The following ZMAT4 variants were observed in gnomAD, a reference collection of about 807,000 sequenced individuals.
The protein encoded by ZMAT4 is zinc finger matrin-type 4.
ZMAT4 carries 17 observed loss-of-function variants against 28.7 expected under a neutral mutation model. The ratio of observed to expected loss-of-function variants is 0.59; its 90% CI spans 0.41 to 0.89. The LOEUF (loss-of-function observed/expected upper bound fraction) is 0.89, where lower values mean the gene tolerates loss of function less well. Ranked by LOEUF, ZMAT4 falls within the 40% of genes least tolerant of loss-of-function variation. The pLI, the probability that ZMAT4 is intolerant of heterozygous loss-of-function variation, is 0.00. For synonymous variants in ZMAT4, 117 were observed against 109.2 expected (o/e 1.07, Z -0.44); for missense variants, 240 against 283.8 (o/e 0.85, Z 1.11).
At chr8:40,863,838 A>G (rs1817585010) in intron 1 of ZMAT4, among the ~76,000 whole-genome samples, 1 of 152,230 alleles carries the variant, frequency 6.6e-6, no homozygotes, top group South Asian at 2.1e-4. Flanking sequence ...GCCATCTATC[A>G]CCACTACTCA....
intron 4 of ZMAT4, among the ~76,000 whole-genome samples, chr8:40,684,425 C>A (rs1182415857): frequency 1.3e-5 from 2 of 152,202 alleles, no homozygotes; most frequent in Non-Finnish European, 2.9e-5. Context: ...ATGCCCACTG[C>A]AGGTGCCGCT....
chr8:40,612,834 C>T lies in ZMAT4; in HGVS notation c.578-31573G>A, dbSNP rs527298554. ...TTGTTTTTTTTTTTTTTTTTTGAGA[C>T]GAAGTCTTGCTCTTGTCCCCCAGGC... On this transcript the variant is annotated intron_variant, in intron 5 of 6. Transcript: ENST00000297737. Among the ~76,000 whole-genome samples, 354 of 70,786 alleles carry T rather than the reference C, an allele frequency of 5.0e-3. 11 individuals are homozygous for T. Among genetic ancestry groups the T allele is most frequent in the African/African-American group, 0.013 (336 of 25,904 alleles). The allele number at this position is 70,786 out of a possible 152,430, so 46.4% of individuals were successfully genotyped here.
intron 3 of ZMAT4, among the ~76,000 whole-genome samples, chr8:40,713,441 G>C (rs1377180070): frequency 6.7e-6 from 1 of 149,838 alleles, no homozygotes; most frequent in African/African-American, 2.5e-5. Flanking sequence ...TAAGGTAATG[G>C]TAGAAAAAAA....
intron 1 of ZMAT4, among the ~76,000 whole-genome samples, chr8:40,835,386 A>T (rs1816440008): frequency 6.6e-6 from 1 of 152,186 alleles, no homozygotes; most frequent in African/African-American, 2.4e-5. Context: ...TTTAAAGAAT[A>T]GGCTCCTACC....
intron 3 of ZMAT4, among the ~76,000 whole-genome samples, chr8:40,708,124 G>A (rs2150504954): frequency 6.6e-6 from 1 of 152,300 alleles, no homozygotes; most frequent in Non-Finnish European, 1.5e-5. Context: ...ACCAGTAATA[G>A]CACAAAATCT....
rs182319646 is a variant in ZMAT4, at chr8:40,644,569, T to C, written c.577+30135A>G. ...ATATATCCATGAGTTTATTCAAATATAAATGACTGAATAAACAAAGAGGAT... is the reference window on the plus strand; with the variant it reads ...ATATATCCATGAGTTTATTCAAATACAAATGACTGAATAAACAAAGAGGAT... On this transcript the variant is annotated intron_variant, in intron 5 of 6. Transcript: ENST00000297737. Among the ~76,000 whole-genome samples the C allele has an allele frequency of 2.0e-5, 3 of 152,310 alleles. No homozygotes were observed. In the East Asian group the frequency reaches 5.8e-4, roughly 29 times the overall value.
chr8:40,739,994 T>C (rs1245920145), intron 3 of ZMAT4, among the ~76,000 whole-genome samples: 2 of 152,212 alleles, frequency 1.3e-5, no homozygotes, highest in African/African-American at 4.8e-5. Flanking sequence ...TATGGCTGTT[T>C]AGTATTCCAT....
chr8:40,780,972 A>C (rs903957862), intron 2 of ZMAT4, among the ~76,000 whole-genome samples: 1 of 152,226 alleles, frequency 6.6e-6, no homozygotes, highest in Non-Finnish European at 1.5e-5. Flanking sequence ...ATGAGGAGCA[A>C]GACAAGAACA....
intron 2 of ZMAT4, among the ~76,000 whole-genome samples, chr8:40,801,349 A>ATATATATATATATATAT (rs1334146524): frequency 1.4e-3 from 68 of 48,742 alleles, no homozygotes; most frequent in African/African-American, 4.8e-3. Flanking sequence ...TTTAAAAAAA[A>ATATATATATATATATAT]AAATATATAT....
chr8:40,768,316 A>G (rs1050502359), intron 2 of ZMAT4, among the ~76,000 whole-genome samples: 3 of 152,212 alleles, frequency 2.0e-5, no homozygotes, highest in African/African-American at 7.2e-5. Context: ...CCAGCAGATG[A>G]TGCAGTTGAG....
At chr8:40,753,496 T>C (rs1812542538) in intron 3 of ZMAT4, among the ~76,000 whole-genome samples, 1 of 152,228 alleles carries the variant, frequency 6.6e-6, no homozygotes, top group Non-Finnish European at 1.5e-5. Context: ...TATGTTTCTT[T>C]ATTTAAATAT....
chr8:40,657,176 G>GT (rs767621576), intron 5 of ZMAT4, among the ~76,000 whole-genome samples: 46 of 152,074 alleles, frequency 3.0e-4, no homozygotes, highest in Non-Finnish European at 6.2e-4. Context: ...GTATGTCTCA[G>GT]TTTCTTAAAG....
intron 5 of ZMAT4, among the ~76,000 whole-genome samples, chr8:40,590,079 G>T (rs898129024): frequency 1.4e-5 from 2 of 147,106 alleles, no homozygotes; most frequent in South Asian, 2.2e-4. Context: ...GAATACAGTG[G>T]CATGATTGTA....
chr8:40,853,508 A>AT (rs1371493547), intron 1 of ZMAT4, among the ~76,000 whole-genome samples: 1 of 152,114 alleles, frequency 6.6e-6, no homozygotes, highest in Non-Finnish European at 1.5e-5. Context: ...GTGAGCCAAT[A>AT]TTTTGCCACT....
chr8:40,820,009 C>T (rs996530158), intron 2 of ZMAT4, among the ~76,000 whole-genome samples: 3 of 152,044 alleles, frequency 2.0e-5, no homozygotes, highest in Admixed American at 2.0e-4. Context: ...AGAAGGTCCT[C>T]AAGTAACATC....
At position 40,571,105 on chromosome 8, in the gene ZMAT4, C is replaced by A. The variant is rs538868785; in HGVS notation, c.674+10060G>T. ...GCAAGACAAAATAATGATTATAGGT[C>A]CCCCAAGAAGGAAGCAGGGAGGAAA... On this transcript the variant is annotated intron_variant, in intron 6 of 6. Coordinates refer to ENST00000297737, the MANE Select transcript of ZMAT4 (RefSeq NM_024645.3). Among the ~76,000 whole-genome samples, 35 of 152,098 alleles carry A rather than the reference C, an allele frequency of 2.3e-4. 1 individual carries two copies. In the South Asian group the frequency reaches 6.9e-3, roughly 30 times the overall value.
chr8:40,784,353 C>A (rs932787376), intron 2 of ZMAT4, among the ~76,000 whole-genome samples: 9 of 152,136 alleles, frequency 5.9e-5, no homozygotes, highest in Non-Finnish European at 1.0e-4. Context: ...AATCATTTGA[C>A]AAAATCCGGC....
chr8:40,681,672 T>C (rs1310401221), intron 4 of ZMAT4, among the ~76,000 whole-genome samples: 1 of 152,238 alleles, frequency 6.6e-6, no homozygotes, highest in Non-Finnish European at 1.5e-5. Context: ...TCAATGAACA[T>C]GTGATAAATA....
At chr8:40,626,092 A>G (rs1464900818) in intron 5 of ZMAT4, among the ~76,000 whole-genome samples, 1 of 144,924 alleles carries the variant, frequency 6.9e-6, no homozygotes, top group Non-Finnish European at 1.5e-5. Context: ...CCTGGGCAAC[A>G]AGAGCAAAAC....
Sources: allele counts gnomAD v4.1 joint callset (sites outside exome capture counted in the v4.1 genomes callset), GRCh38; gene constraint gnomAD v4.1.1; transcripts MANE v1.5; gene names NCBI Gene and HGNC (gene_info 2026-07-23, HGNC 2026-07-21).